Variants in SSC5D observed in about 807,000 individuals in gnomAD.
SSC5D encodes the protein scavenger receptor cysteine rich family member with 5 domains.
In SSC5D, 106 loss-of-function variants were observed where a neutral mutation model predicts 104.6. The ratio of observed to expected loss-of-function variants is 1.01; its 90% CI spans 0.87 to 1.19. SSC5D has a LOEUF of 1.19. Among genes scored for constraint, SSC5D ranks in the 50% most tolerant of loss-of-function variants. SSC5D has a pLI of 0.00. For missense variants in SSC5D, 1,993 were observed against 2,153.8 expected (o/e 0.93, Z 1.48); for synonymous variants, 860 against 883.5 (o/e 0.97, Z 0.47).
intron 6 of SSC5D, chr19:55,492,262 GCCTGTC>G: frequency 6.6e-6 from 1 of 152,230 alleles, no homozygotes; most frequent in East Asian, 1.9e-4. Context: ...CACGCTCCAT[GCCTGTC>G]CCACTGCACA....
rs61742660 is a variant in SSC5D, at chr19:55,501,154, G to T, written c.2738G>T (p.Arg913Leu). The T allele has an allele frequency of 1.3e-6, 2 of 1,548,468 alleles. No homozygotes were observed. The highest frequency in any genetic ancestry group is 1.7e-4 in the Middle Eastern group (1 of 5,966). The change falls in exon 12 of 14, where the codon CGG becomes CTG. Residue 913 changes from arginine to leucine, a missense_variant. By Grantham distance (102) the Arg-to-Leu change is moderately radical. Coordinates refer to ENST00000389623, the MANE Select transcript of SSC5D (RefSeq NM_001144950.2). Reference protein sequence around the residue: ...PGHTLPWRTTRRPGSSSPAIR... With the variant: ...PGHTLPWRTTLRPGSSSPAIR... ...CACACTCTCCCCTGGAGGACCACCC[G>T]GCGCCCGGGTAGCTCCTCCCCAGCA...
chr19:55,518,202 C>G lies in SSC5D; in HGVS notation c.3926C>G (p.Thr1309Arg). ...PHPTMTPDPT[T>R]TPYPTTTPDP... ...CCCACCATGACTCCTGACCCCACCA[C>G]GACCCCTTACCCCACCACTACTCCT... The change falls in exon 14 of 14, where the codon ACG (threonine) becomes AGG (arginine). Residue 1309 changes from threonine to arginine, a missense_variant. Thr to Arg is a moderately conservative substitution (Grantham distance 71). Coordinates refer to ENST00000389623, the MANE Select transcript of SSC5D (RefSeq NM_001144950.2). 3.5e-6 allele frequency: 5 copies of G among 1,426,536 alleles called. No individual in the cohort carries two copies. Among genetic ancestry groups the G allele is most frequent in the Non-Finnish European group, 4.6e-6 (5 of 1,083,344 alleles). 88.4% of individuals were successfully genotyped at this position (1,426,536 alleles called of 1,614,324 possible). A position where few individuals can be genotyped will look rare whatever the true frequency, so the allele number is the denominator to read the frequency against.
intron 6 of SSC5D, 96 bp from the exon 7 acceptor site, chr19:55,493,499 A>T: frequency 9.1e-7 from 1 of 1,096,432 alleles, no homozygotes; most frequent in Non-Finnish European, 1.2e-6. Flanking sequence ...TTTGCTTCCC[A>T]GAGTCATCTT....
At chr19:55,496,125 A>G (rs1012021772) in intron 8 of SSC5D, among the ~76,000 whole-genome samples, 23 of 152,062 alleles carry the variant, frequency 1.5e-4, no homozygotes, top group African/African-American at 5.3e-4. Context: ...GAAGAATTTC[A>G]GTGGGGCCGG....
At chr19:55,512,927 G>A in intron 12 of SSC5D, 84 bp from the exon 13 acceptor site, 1 of 1,509,326 alleles carries the variant, frequency 6.6e-7, no homozygotes, top group East Asian at 2.5e-5. Flanking sequence ...TGCCTGAACT[G>A]GGGCTGGCCC....
At chr19:55,488,942 G>C in intron 1 of SSC5D, 64 bp from the exon 2 acceptor site, 2 of 527,582 alleles carry the variant, frequency 3.8e-6, no homozygotes, top group Non-Finnish European at 4.8e-6. Context: ...AGGGGCCTGC[G>C]CTGGAGAAAG....
At position 55,490,961 on chromosome 19, in the gene SSC5D, C is replaced by T; in HGVS notation, c.776C>T (p.Pro259Leu). The T allele has an allele frequency of 6.5e-7, 1 of 1,546,974 alleles. No individual in the cohort carries two copies. Among genetic ancestry groups the T allele is most frequent in the East Asian group, 2.4e-5 (1 of 40,882 alleles). ...GGARFGPGAG[P>L]VWMDDVGCGG... ...GCCAGATTCGGGCCTGGTGCAGGGC[C>T]CGTGTGGATGGACGATGTGGGGTGT... Residue 259 changes from proline (P) to leucine (L), a missense_variant, in exon 6 of 14, where the codon CCC becomes CTC. Pro to Leu is a moderately conservative substitution (Grantham distance 98, BLOSUM62 -3). Around this residue, in one of 6 missense-constraint regions of SSC5D, gnomAD observed 1,101 missense variants for 1,085.0 expected, o/e 1.01. Coordinates refer to ENST00000389623, the MANE Select transcript of SSC5D (RefSeq NM_001144950.2).
chr19:55,514,702 T>G (rs988846451), intron 13 of SSC5D, among the ~76,000 whole-genome samples: 3 of 151,948 alleles, frequency 2.0e-5, no homozygotes, highest in Non-Finnish European at 4.4e-5. Context: ...TTTGCCCATT[T>G]CTCAGATGAG....
rs374521484 is a variant in SSC5D, at chr19:55,491,064, G to A, written c.879G>A (p.Ala293=). ...GRSNCDHSED[A]GLVCTGPAPR... ...GCAACTGTGACCACAGCGAGGATGC[G>A]GGGCTGGTCTGCACCGGTACGTCGG... is the stretch of plus-strand genomic sequence containing the variant. Residue 293 remains alanine (A), a synonymous_variant, in exon 6 of 14, where the codon GCG becomes GCA. Transcript: ENST00000389623. The A allele has an allele frequency of 4.8e-5, 75 of 1,549,800 alleles. No homozygotes were observed. The highest frequency in any genetic ancestry group is 1.1e-4 in the African/African-American group (8 of 72,978).
At chr19:55,506,975 T>C (rs1012996190) in intron 12 of SSC5D, among the ~76,000 whole-genome samples, 2 of 151,590 alleles carry the variant, frequency 1.3e-5, no homozygotes, top group African/African-American at 4.8e-5. Flanking sequence ...AAGACCAGCC[T>C]GGCCAACATG....
At position 55,500,691 on chromosome 19, in the gene SSC5D, G is replaced by A. The variant is rs1987469282; in HGVS notation, c.2504G>A (p.Trp835Ter). Residue 835 changes from tryptophan to a stop codon, truncating the protein, a stop_gained, in exon 11 of 14, where the codon TGG (tryptophan) becomes TAG (stop). Coordinates refer to ENST00000389623, the MANE Select transcript of SSC5D (RefSeq NM_001144950.2). LOFTEE classifies it high-confidence loss of function. This position sits in a 1 kb window ranked among gnomAD's most constrained non-coding sequence, Gnocchi z 4.6. ...THYGPGTGPIWLDDMGCKGSE... is the reference protein window; with the variant it reads ...THYGPGTGPI Reference sequence around the variant, plus strand: ...TACGGCCCTGGGACTGGGCCCATCTGGCTGGATGACATGGGCTGTAAGGGA... The same window carrying A: ...TACGGCCCTGGGACTGGGCCCATCTAGCTGGATGACATGGGCTGTAAGGGA... The A allele has an allele frequency of 6.4e-7, 1 of 1,551,732 alleles. No homozygotes were observed.
In SSC5D at chr19:55,518,390, G is replaced by GC. The variant is rs1212041635; in HGVS notation, c.4118dup (p.His1374SerfsTer35). On this transcript the variant is annotated frameshift_variant, in exon 14 of 14. Coordinates refer to ENST00000389623, the MANE Select transcript of SSC5D (RefSeq NM_001144950.2). LOFTEE classifies it low-confidence loss of function (END_TRUNC). ...CCCCCAGTTGACCTTCACAGCACCT[G>GC]CCCCTCACACCTCCACATCCCAGAT... is the stretch of plus-strand genomic sequence containing the variant. The GC allele has an allele frequency of 6.4e-7, 1 of 1,550,726 alleles. No homozygotes were observed. Among genetic ancestry groups the GC allele is most frequent in the Admixed American group, 2.0e-5 (1 of 50,888 alleles).
Position 55,497,983 on chromosome 19 carries a change from C to T in SSC5D, c.1491C>T (p.Asp497=), listed in dbSNP as rs1987369289. ...GGACCGTGTGTGACGATAGCTGGGA[C>T]ATGCGGGATTCAGCTGTGGTCTGCC... is the stretch of plus-strand genomic sequence containing the variant. ...RWGTVCDDSW[D]MRDSAVVCRE... Residue 497 remains aspartate, a synonymous_variant, in exon 9 of 14, where the codon GAC becomes GAT. Transcript: ENST00000389623. 1 of 1,551,840 alleles carries T rather than the reference C, an allele frequency of 6.4e-7. No individual in the cohort carries two copies. The highest frequency in any genetic ancestry group is 8.7e-7 in the Non-Finnish European group (1 of 1,147,028).
At chr19:55,499,722 C>G in intron 9 of SSC5D, 94 bp from the exon 10 acceptor site, 1 of 933,134 alleles carries the variant, frequency 1.1e-6, no homozygotes. Flanking sequence ...TGAATGGGAA[C>G]TGGGTGAGTG....
At chr19:55,499,656 T>C (rs1987417367) in intron 9 of SSC5D, among the ~76,000 whole-genome samples, 160 bp from the exon 10 acceptor site, 1 of 152,154 alleles carries the variant, frequency 6.6e-6, no homozygotes, top group African/African-American at 2.4e-5. Context: ...ATATGGTGTG[T>C]GGCTCATAGG....
At chr19:55,490,462 G>T in intron 5 of SSC5D, 54 bp downstream of exon 5, 1 of 666,210 alleles carries the variant, frequency 1.5e-6, no homozygotes. Context: ...TGAGGCCCAG[G>T]GCCCAGAAAA....
In SSC5D at chr19:55,517,205, G is replaced by C; in HGVS notation, c.2948-19G>C. The C allele has an allele frequency of 6.5e-7, 1 of 1,530,718 alleles. No individual in the cohort carries two copies. Among genetic ancestry groups the C allele is most frequent in the African/African-American group, 1.4e-5 (1 of 72,964 alleles). 94.8% of individuals were successfully genotyped at this position (1,530,718 alleles called of 1,614,324 possible). A position where few individuals can be genotyped will look rare whatever the true frequency, so the allele number is the denominator to read the frequency against. ...CCGGTTGACCTCAGACCGTCCGTCT[G>C]TCTTTCCTCCTCCTCCAGGTTCCCC... On this transcript the variant is annotated intron_variant, in intron 13 of 13. Coordinates refer to ENST00000389623, the MANE Select transcript of SSC5D (RefSeq NM_001144950.2).
chr19:55,489,099 G>T, intron 2 of SSC5D, 67 bp downstream of exon 2: 1 of 895,732 alleles, frequency 1.1e-6, no homozygotes, highest in Admixed American at 5.4e-5. Flanking sequence ...GCCCATCCAG[G>T]CCTGGCCTCA....
chr19:55,500,077 GC>G lies in SSC5D; in HGVS notation c.1973del (p.Pro658GlnfsTer3), dbSNP rs1217865984. 1.3e-6 allele frequency: 2 copies of G among 1,551,340 alleles called. No individual in the cohort carries two copies. The highest frequency in any genetic ancestry group is 1.7e-6 in the Non-Finnish European group (2 of 1,146,738). On this transcript the variant is annotated frameshift_variant, in exon 10 of 14. Transcript: ENST00000389623. LOFTEE classifies it high-confidence loss of function. The surrounding 1 kb of genome is among the most constrained non-coding windows in gnomAD (Gnocchi z 4.6). ...MPTTKHSRAQ[S>X]PPDLTSQTTA... The stretch of plus-strand genomic sequence containing the variant: ...ACCACGAAACACTCCAGGGCCCAAA[GC>G]CCCCCAGACCTAACCTCACAGACCA...
Sources: allele counts gnomAD v4.1 joint callset (sites outside exome capture counted in the v4.1 genomes callset), GRCh38; gene constraint gnomAD v4.1.1; regional missense constraint gnomAD v4.1.1; non-coding constraint Gnocchi (gnomAD v3.1); transcripts MANE v1.5; gene names NCBI Gene and HGNC (gene_info 2026-07-23, HGNC 2026-07-21).